Variants in CCDC85C observed in about 807,000 individuals in gnomAD.
The protein encoded by CCDC85C is coiled-coil domain-containing protein 85C.
A neutral mutation model predicts 38.3 loss-of-function variants in CCDC85C; 18 were observed. The observed-to-expected ratio is 0.47, with a 90% CI of 0.33 to 0.70. The LOEUF (loss-of-function observed/expected upper bound fraction) is 0.70, where lower values mean the gene tolerates loss of function less well. Ranked by LOEUF, CCDC85C falls within the 30% of genes least tolerant of loss-of-function variation. The pLI is 0.03. For synonymous variants in CCDC85C, 264 were observed against 293.8 expected (o/e 0.90, Z 1.04); for missense variants, 566 against 621.2 (o/e 0.91, Z 0.94).
Position 99,566,273 on chromosome 14 carries a change from C to T in CCDC85C, c.794-30185G>A, listed in dbSNP as rs116233601. On this transcript the variant is annotated intron_variant, in intron 1 of 5. Transcript: ENST00000380243. ...CATTTACCATGTGCCAGGCACAGGG[C>T]CAAGCACACTGCATGGATCATCTCA... Among the ~76,000 whole-genome samples the T allele has an allele frequency of 1.4e-3, 211 of 152,380 alleles. 1 individual carries two copies. The highest frequency in any genetic ancestry group is 5.0e-3 in the African/African-American group (207 of 41,596).
chr14:99,560,610 C>T (rs1390599555), intron 1 of CCDC85C, among the ~76,000 whole-genome samples: 2 of 152,242 alleles, frequency 1.3e-5, no homozygotes, highest in Non-Finnish European at 2.9e-5. Flanking sequence ...CTCTGTCCAC[C>T]TGGGCATTCA....
chr14:99,527,843 T>C (rs1411766716), intron 2 of CCDC85C, among the ~76,000 whole-genome samples: 1 of 152,076 alleles, frequency 6.6e-6, no homozygotes. Flanking sequence ...GCACTGCAGG[T>C]GTCTCACTTC....
In CCDC85C at chr14:99,603,975, G is replaced by A. The variant is rs2055243507; in HGVS notation, c.-16C>T. ...GCTTAGCCATGGCGGGGCCGTCACC[G>A]CGGCATCGCCCTCGCCCTCGCCCGG... is the stretch of plus-strand genomic sequence containing the variant. On this transcript the variant is annotated 5_prime_UTR_variant, in exon 1 of 6. Transcript: ENST00000380243. This position sits in a 1 kb window ranked among gnomAD's most constrained non-coding sequence, Gnocchi z 7.5. 1.1e-5 allele frequency: 14 copies of A among 1,314,602 alleles called. No homozygotes were observed. Among genetic ancestry groups the A allele is most frequent in the Non-Finnish European group, 1.4e-5 (14 of 1,036,470 alleles). The allele number at this position is 1,314,602 out of a possible 1,614,324, so 81.4% of individuals were successfully genotyped here. A position where few individuals can be genotyped will look rare whatever the true frequency, so the allele number is the denominator to read the frequency against.
At chr14:99,601,330 G>C (rs1394962547) in intron 1 of CCDC85C, among the ~76,000 whole-genome samples, 1 of 152,276 alleles carries the variant, frequency 6.6e-6, no homozygotes, top group South Asian at 2.1e-4. Flanking sequence ...GACCCCCAGT[G>C]GGGTGGAAAA....
chr14:99,543,459 G>A (rs1897750970), intron 1 of CCDC85C, among the ~76,000 whole-genome samples: 1 of 152,152 alleles, frequency 6.6e-6, no homozygotes, highest in Non-Finnish European at 1.5e-5. Flanking sequence ...CACATCTACT[G>A]CAACGCAAAG....
intron 1 of CCDC85C, 56 bp from the exon 2 acceptor site, chr14:99,536,144 T>C: frequency 3.3e-6 from 4 of 1,223,068 alleles, no homozygotes; most frequent in Non-Finnish European, 4.7e-6. Context: ...CCATCCCCAT[T>C]GCGCAACCCC....
chr14:99,567,507 T>C (rs1465929165), intron 1 of CCDC85C, among the ~76,000 whole-genome samples: 1 of 152,094 alleles, frequency 6.6e-6, no homozygotes, highest in African/African-American at 2.4e-5. Flanking sequence ...ACAGCCAAGG[T>C]GCGGCAGATA....
intron 1 of CCDC85C, among the ~76,000 whole-genome samples, chr14:99,551,703 G>A (rs1335610769): frequency 6.6e-6 from 1 of 151,500 alleles, no homozygotes; most frequent in Non-Finnish European, 1.5e-5. Flanking sequence ...GTGTGCAGGT[G>A]GGTGAGCAGG....
chr14:99,561,890 CAGT>C (rs1473683580), intron 1 of CCDC85C, among the ~76,000 whole-genome samples: 2 of 152,182 alleles, frequency 1.3e-5, no homozygotes, highest in Non-Finnish European at 2.9e-5. Flanking sequence ...AAACTCCACT[CAGT>C]AGGGAATGGC....
chr14:99,563,989 G>A (rs937432669), intron 1 of CCDC85C, among the ~76,000 whole-genome samples: 2 of 152,206 alleles, frequency 1.3e-5, no homozygotes, highest in African/African-American at 4.8e-5. Context: ...CGGACCATCT[G>A]CAAGTGTATA....
At chr14:99,597,470 C>T (rs556484685) in intron 1 of CCDC85C, among the ~76,000 whole-genome samples, 56 of 152,308 alleles carry the variant, frequency 3.7e-4, no homozygotes, top group African/African-American at 1.3e-3. Context: ...CAAGCCCCAT[C>T]CTCAGTGGAT....
Position 99,544,785 on chromosome 14 carries a change from A to G in CCDC85C, c.794-8697T>C, listed in dbSNP as rs1297682609. Among the ~76,000 whole-genome samples, 1 of 152,110 alleles carries G rather than the reference A, an allele frequency of 6.6e-6. No individual in the cohort carries two copies. Among genetic ancestry groups the G allele is most frequent in the Non-Finnish European group, 1.5e-5 (1 of 68,022 alleles). On this transcript the variant is annotated intron_variant, in intron 1 of 5. Coordinates refer to ENST00000380243, the MANE Select transcript of CCDC85C (RefSeq NM_001144995.2). This position sits in a 1 kb window ranked among gnomAD's most constrained non-coding sequence, Gnocchi z 5.3. Reference sequence around the variant, plus strand: ...AAGACTTGATGTTAGTGAGGTTTTCAGTCTGAGCCAAAGACCCCACAGCCT... The same window carrying G: ...AAGACTTGATGTTAGTGAGGTTTTCGGTCTGAGCCAAAGACCCCACAGCCT...
chr14:99,516,289 G>A lies in CCDC85C; in HGVS notation c.1072-3C>T. On this transcript the variant is annotated splice_polypyrimidine_tract_variant and splice_region_variant and intron_variant, in intron 4 of 5. Coordinates refer to ENST00000380243, the MANE Select transcript of CCDC85C (RefSeq NM_001144995.2). The surrounding 1 kb of genome is among the most constrained non-coding windows in gnomAD (Gnocchi z 5.5). ...AGATTCTCGTGTACCTCCAGGACCT[G>A]AAGGGAACGGGTCTCGGGGTCAGGG... The A allele has an allele frequency of 1.9e-6, 3 of 1,549,780 alleles. No homozygotes were observed. The highest frequency in any genetic ancestry group is 2.6e-6 in the Non-Finnish European group (3 of 1,145,766).
chr14:99,579,953 T>C, intron 1 of CCDC85C: 1 of 425,178 alleles, frequency 2.4e-6, no homozygotes. Flanking sequence ...TTGGGAGTCT[T>C]GGCCAGGGTA....
At chr14:99,546,868 T>C (rs55943777) in intron 1 of CCDC85C, among the ~76,000 whole-genome samples, 4,419 of 152,244 alleles carry the variant, frequency 0.029, 213 homozygotes, top group African/African-American at 0.1. Context: ...CAGAGAGTTC[T>C]ATGTGAAAAA....
In CCDC85C at chr14:99,500,684, T is replaced by G; in HGVS notation, c.*14562A>C. ...AAATATAACTTGAAGAGAGAATAAA[T>G]AGACAGGAAAGCTCACTTTTGTAAT... On this transcript the variant is annotated 3_prime_UTR_variant, in exon 6 of 6. Coordinates refer to ENST00000380243, the MANE Select transcript of CCDC85C (RefSeq NM_001144995.2). 1 of 890,202 alleles carries G rather than the reference T, an allele frequency of 1.1e-6. No homozygotes were observed. The highest frequency in any genetic ancestry group is 1.8e-6 in the Non-Finnish European group (1 of 549,444). 55.1% of individuals were successfully genotyped at this position (890,202 alleles called of 1,614,324 possible).
At position 99,548,343 on chromosome 14, in the gene CCDC85C, G is replaced by A. The variant is rs188087690; in HGVS notation, c.794-12255C>T. ...GGTGTCATCAAGGAAACCCAATTCC[G>A]ACAATGAGATGCCACTGGATTGGCG... On this transcript the variant is annotated intron_variant, in intron 1 of 5. Transcript: ENST00000380243. This position sits in a 1 kb window ranked among gnomAD's most constrained non-coding sequence, Gnocchi z 4.9. Among the ~76,000 whole-genome samples the A allele has an allele frequency of 1.6e-4, 24 of 152,254 alleles. No homozygotes were observed. Among genetic ancestry groups the A allele is most frequent in the East Asian group, 1.9e-4 (1 of 5,180 alleles).
rs896757147 is a variant in CCDC85C at position 99,537,131 on chromosome 14, G to A, written c.794-1043C>T. Among the ~76,000 whole-genome samples, 5 of 152,312 alleles carry A rather than the reference G, an allele frequency of 3.3e-5. No homozygotes were observed. The South Asian group carries it at 6.2e-4, about 19-fold the overall frequency. On this transcript the variant is annotated intron_variant, in intron 1 of 5. Coordinates refer to ENST00000380243, the MANE Select transcript of CCDC85C (RefSeq NM_001144995.2). ...GGATGGGTTATTAACATCTCTCGCAGAGATCACCTGGCCCAGATGCCAGCC... is the reference window on the plus strand; with the variant it reads ...GGATGGGTTATTAACATCTCTCGCAAAGATCACCTGGCCCAGATGCCAGCC...
chr14:99,551,310 T>C (rs1457338641), intron 1 of CCDC85C, among the ~76,000 whole-genome samples: 2 of 151,854 alleles, frequency 1.3e-5, no homozygotes, highest in African/African-American at 4.8e-5. Context: ...TTGGAGGCAG[T>C]GGGGGGAAGG....
Sources: allele counts gnomAD v4.1 joint callset (sites outside exome capture counted in the v4.1 genomes callset), GRCh38; gene constraint gnomAD v4.1.1; non-coding constraint Gnocchi (gnomAD v3.1); transcripts MANE v1.5; gene names NCBI Gene and HGNC (gene_info 2026-07-23, HGNC 2026-07-21).